ARID1B: variants seen among roughly 807,000 people sequenced by gnomAD.
ARID1B encodes the protein AT-rich interaction domain 1B.
A neutral mutation model predicts 212.3 loss-of-function variants in ARID1B; 30 were observed. The ratio of observed to expected loss-of-function variants is 0.14; its 90% CI spans 0.11 to 0.19. ARID1B has a LOEUF of 0.19. ARID1B is among the 10% of genes least tolerant of loss of function. The probability of loss-of-function intolerance (pLI) is 1.00; values close to 1 mark genes in which losing one functional copy is unlikely to be tolerated. For synonymous variants in ARID1B, 1,402 were observed against 1,301.7 expected (o/e 1.08, Z -1.66); for missense variants, 2,891 against 3,204.0 (o/e 0.90, Z 2.36).
chr6:156,870,562 A>T (rs1786047512), intron 2 of ARID1B: 1 of 152,210 alleles, frequency 6.6e-6, no homozygotes, highest in Non-Finnish European at 1.5e-5. Context: ...CTATAGTTTA[A>T]AAGATTTCCT....
chr6:156,898,449 C>CT (rs1481308435), intron 2 of ARID1B, among the ~76,000 whole-genome samples: 1 of 152,048 alleles, frequency 6.6e-6, no homozygotes, highest in Non-Finnish European at 1.5e-5. Flanking sequence ...CCAGAATGCC[C>CT]TGATGGCCTG....
intron 6 of ARID1B, among the ~76,000 whole-genome samples, chr6:157,122,430 A>G (rs912894881): frequency 1.3e-5 from 2 of 152,222 alleles, no homozygotes; most frequent in Admixed American, 6.5e-5. Flanking sequence ...CCCTGTCTTT[A>G]GCTATTAGAT....
chr6:156,908,991 C>T (rs1789636220), intron 3 of ARID1B, among the ~76,000 whole-genome samples: 1 of 151,764 alleles, frequency 6.6e-6, no homozygotes. Context: ...TGTCTGCTGC[C>T]CTGTCTCATC....
intron 8 of ARID1B, among the ~76,000 whole-genome samples, chr6:157,160,800 TTTCTC>T (rs746971697): frequency 2.0e-5 from 3 of 152,184 alleles, no homozygotes; most frequent in Non-Finnish European, 2.9e-5. Flanking sequence ...CTGTTTCTCT[TTTCTC>T]TTCTCCTTAC....
rs922902904 is a variant in ARID1B, at chr6:156,910,139, C to T, written c.2136+8614C>T. ...CAGATTGAGCGTAATGTTTGGTTGT[C>T]CCACAACAGTGAAGTTAAGATTAAT... On this transcript the variant is annotated intron_variant, in intron 3 of 19. Transcript: ENST00000636930. Among the ~76,000 whole-genome samples, 23 of 152,256 alleles carry T rather than the reference C, an allele frequency of 1.5e-4. No homozygotes were observed. The East Asian group carries it at 4.0e-3, about 27-fold the overall frequency.
intron 1 of ARID1B, among the ~76,000 whole-genome samples, chr6:156,793,142 G>T (rs1025255051): frequency 1.3e-5 from 2 of 152,192 alleles, no homozygotes; most frequent in Middle Eastern, 3.4e-3. Flanking sequence ...CGGGGTGGGG[G>T]CATGAGGCAT....
rs1448771815 is a variant in ARID1B, at chr6:157,201,879, G to A, written c.5263+391G>A. 2.6e-5 allele frequency among the ~76,000 whole-genome samples: 4 copies of A among 152,196 alleles called. No individual in the cohort carries two copies. The highest frequency in any genetic ancestry group is 4.4e-5 in the Non-Finnish European group (3 of 68,040). ...AGGGAATCCTGAGTGGTTATATGCT[G>A]TATTTTGGGCTTAAAGATTTGAACT... On this transcript the variant is annotated intron_variant, in intron 18 of 19. Transcript: ENST00000636930. The surrounding 1 kb of genome is among the most constrained non-coding windows in gnomAD (Gnocchi z 5.2).
At chr6:157,142,015 T>C (rs751300997) in intron 7 of ARID1B, among the ~76,000 whole-genome samples, 14 of 152,108 alleles carry the variant, frequency 9.2e-5, no homozygotes, top group Non-Finnish European at 1.6e-4. Flanking sequence ...GGAAACCATA[T>C]CCAAGAATGG....
chr6:156,806,932 C>T (rs928624034), intron 1 of ARID1B, among the ~76,000 whole-genome samples: 3 of 152,220 alleles, frequency 2.0e-5, no homozygotes, highest in African/African-American at 7.2e-5. Context: ...GCTATGGATG[C>T]TGAAATTGAA....
intron 4 of ARID1B, among the ~76,000 whole-genome samples, chr6:157,070,797 G>C (rs1240255091): frequency 6.6e-6 from 1 of 152,208 alleles, no homozygotes; most frequent in Non-Finnish European, 1.5e-5. Context: ...ACACTTAAAT[G>C]AACCTGTAAG....
At chr6:157,061,218 T>C (rs1431296820) in intron 4 of ARID1B, among the ~76,000 whole-genome samples, 1 of 152,242 alleles carries the variant, frequency 6.6e-6, no homozygotes, top group African/African-American at 2.4e-5. Context: ...CTGCATTAAA[T>C]TGAGAGCCTG....
chr6:157,201,535 G>A lies in ARID1B; in HGVS notation c.5263+47G>A. 1 of 1,479,468 alleles carries A rather than the reference G, an allele frequency of 6.8e-7. No homozygotes were observed. The highest frequency in any genetic ancestry group is 9.0e-7 in the Non-Finnish European group (1 of 1,114,562). 91.6% of individuals were successfully genotyped at this position (1,479,468 alleles called of 1,614,324 possible). A position where few individuals can be genotyped will look rare whatever the true frequency, so the allele number is the denominator to read the frequency against. Reference sequence around the variant, plus strand: ...TTCTGAAATGAATTCCAGTTGCAGTGTAGAATTTTAATTTTAGTAAAGATG... The same window carrying A: ...TTCTGAAATGAATTCCAGTTGCAGTATAGAATTTTAATTTTAGTAAAGATG... On this transcript the variant is annotated intron_variant, in intron 18 of 19. Transcript: ENST00000636930. This position sits in a 1 kb window ranked among gnomAD's most constrained non-coding sequence, Gnocchi z 5.2.
intron 6 of ARID1B, among the ~76,000 whole-genome samples, chr6:157,122,646 T>C (rs1174656142): frequency 6.6e-6 from 1 of 152,090 alleles, no homozygotes; most frequent in Admixed American, 6.5e-5. Flanking sequence ...TAGGCCAGGG[T>C]CCTGCGTGCT....
At chr6:157,159,984 T>A (rs752512736) in intron 8 of ARID1B, among the ~76,000 whole-genome samples, 19 of 152,214 alleles carry the variant, frequency 1.2e-4, no homozygotes, top group Non-Finnish European at 2.6e-4. Flanking sequence ...TGTAAACATA[T>A]CAGCTACCAA....
At chr6:156,857,314 C>T (rs1006247606) in intron 2 of ARID1B, among the ~76,000 whole-genome samples, 6 of 152,200 alleles carry the variant, frequency 3.9e-5, no homozygotes, top group Non-Finnish European at 8.8e-5. Context: ...AAGAGAGTGT[C>T]AGTGCCCTGG....
intron 3 of ARID1B, among the ~76,000 whole-genome samples, chr6:156,904,446 A>G (rs1237474926): frequency 6.6e-6 from 1 of 152,240 alleles, no homozygotes; most frequent in Non-Finnish European, 1.5e-5. Context: ...TGCCATGCTA[A>G]ACTTTGTGTA....
intron 4 of ARID1B, among the ~76,000 whole-genome samples, chr6:156,964,233 A>G (rs1794589698): frequency 6.6e-6 from 1 of 152,242 alleles, no homozygotes; most frequent in South Asian, 2.1e-4. Context: ...TGTGACTTGA[A>G]TGGATATACC....
chr6:156,782,031 G>T (rs1428769300), intron 1 of ARID1B, among the ~76,000 whole-genome samples: 7 of 115,594 alleles, frequency 6.1e-5, no homozygotes, highest in Non-Finnish European at 1.1e-4. Context: ...ATATGGACAT[G>T]CGACCTAGAT....
chr6:156,821,155 C>T (rs888151017), intron 1 of ARID1B, among the ~76,000 whole-genome samples: 3 of 152,060 alleles, frequency 2.0e-5, no homozygotes, highest in South Asian at 2.1e-4. Context: ...CAGAAATAAG[C>T]GAAATGCAAA....
Sources: allele counts gnomAD v4.1 joint callset (sites outside exome capture counted in the v4.1 genomes callset), GRCh38; gene constraint gnomAD v4.1.1; non-coding constraint Gnocchi (gnomAD v3.1); transcripts MANE v1.5; gene names NCBI Gene and HGNC (gene_info 2026-07-23, HGNC 2026-07-21).